Variants in CAMTA1 observed in about 807,000 individuals in gnomAD.
The protein encoded by CAMTA1 is calmodulin-binding transcription activator 1.
A neutral mutation model predicts 170.9 loss-of-function variants in CAMTA1; 27 were observed. That is an observed-to-expected ratio of 0.16 (90% confidence interval 0.12 to 0.22). CAMTA1 has a LOEUF of 0.22. Among genes scored for constraint, CAMTA1 ranks in the 10% least tolerant of loss-of-function variants. CAMTA1 has a pLI of 1.00. For missense variants in CAMTA1, 1,619 were observed against 2,217.2 expected, an observed-to-expected ratio of 0.73 and a Z score of 5.42; for synonymous variants, 833 against 891.5, an observed-to-expected ratio of 0.93 and a Z score of 1.17.
intron 21 of CAMTA1, among the ~76,000 whole-genome samples, chr1:7,752,857 A>G (rs1167659464): frequency 6.6e-6 from 1 of 152,200 alleles, no homozygotes; most frequent in South Asian, 2.1e-4. Flanking sequence ...GATATGCCAC[A>G]TTGCAGTATG....
intron 6 of CAMTA1, among the ~76,000 whole-genome samples, chr1:7,548,606 A>AG (rs2094740972): frequency 9.9e-6 from 1 of 100,706 alleles, no homozygotes; most frequent in African/African-American, 4.1e-5. Flanking sequence ...AGGGGTGGAG[A>AG]TGCCCATGGA....
chr1:7,185,659 C>T (rs964769993), intron 4 of CAMTA1, among the ~76,000 whole-genome samples: 5 of 152,130 alleles, frequency 3.3e-5, no homozygotes, highest in East Asian at 3.8e-4. Flanking sequence ...AAAGTAACAT[C>T]GTGAAATCGG....
intron 3 of CAMTA1, among the ~76,000 whole-genome samples, chr1:6,990,849 A>G (rs2100425334): frequency 6.8e-6 from 1 of 147,894 alleles, no homozygotes. Flanking sequence ...GTGTGTTTTA[A>G]TCTCAATAGC....
rs749200501 is a variant in CAMTA1, at chr1:7,286,272, C to A, written c.438+36646C>A. Among the ~76,000 whole-genome samples, 1 of 152,180 alleles carries A rather than the reference C, an allele frequency of 6.6e-6. No individual in the cohort carries two copies. Among genetic ancestry groups the A allele is most frequent in the African/African-American group, 2.4e-5 (1 of 41,450 alleles). ...TGGGCATCTGGTGGAGTTGATGGCA[C>A]AGGTGGAGGGGCGGAGGCGCCAGGG... is the stretch of plus-strand genomic sequence containing the variant. On this transcript the variant is annotated intron_variant, in intron 5 of 22. Coordinates refer to ENST00000303635, the MANE Select transcript of CAMTA1 (RefSeq NM_015215.4). The surrounding 1 kb of genome is among the most constrained non-coding windows in gnomAD (Gnocchi z 4.2).
At chr1:7,209,978 A>G (rs1252789720) in intron 4 of CAMTA1, among the ~76,000 whole-genome samples, 2 of 152,218 alleles carry the variant, frequency 1.3e-5, no homozygotes, top group Non-Finnish European at 2.9e-5. Flanking sequence ...ACCATTTGAA[A>G]GTAAGTTTCA....
At chr1:7,270,244 TACACACACACACACAC>T (rs57280188) in intron 5 of CAMTA1, among the ~76,000 whole-genome samples, 143 of 127,218 alleles carry the variant, frequency 1.1e-3, no homozygotes, top group African/African-American at 4.3e-3. Flanking sequence ...CATATATACA[TACACACACACACACAC>T]ACACACACAC....
intron 4 of CAMTA1, among the ~76,000 whole-genome samples, chr1:7,221,906 T>TACACAC (rs34399218): frequency 0.011 from 1,662 of 147,626 alleles, 34 homozygotes; most frequent in East Asian, 0.071. Flanking sequence ...AGCTGGTGCA[T>TACACAC]ACACACACAC....
intron 3 of CAMTA1, among the ~76,000 whole-genome samples, chr1:6,892,908 G>A (rs1240665353): frequency 2.0e-5 from 3 of 151,864 alleles, no homozygotes; most frequent in African/African-American, 7.2e-5. Flanking sequence ...TAAAATGTAT[G>A]AGTAGATAGG....
chr1:7,261,530 C>G (rs953911478), intron 5 of CAMTA1, among the ~76,000 whole-genome samples: 10 of 152,198 alleles, frequency 6.6e-5, no homozygotes, highest in African/African-American at 2.4e-4. Context: ...TACCCTGAAC[C>G]AATTCATGCA....
In CAMTA1 at chr1:7,067,035, G is replaced by T. The variant is rs1054641369; in HGVS notation, c.235-24269G>T. On this transcript the variant is annotated intron_variant, in intron 3 of 22. Coordinates refer to ENST00000303635, the MANE Select transcript of CAMTA1 (RefSeq NM_015215.4). The surrounding 1 kb of genome is among the most constrained non-coding windows in gnomAD (Gnocchi z 4.3). Reference sequence around the variant, plus strand: ...CCTGCTGGATGGGCACATAAACTGGGTGTCATGTTATTAAGATGTGGTGAA... The same window carrying T: ...CCTGCTGGATGGGCACATAAACTGGTTGTCATGTTATTAAGATGTGGTGAA... 1.3e-5 allele frequency among the ~76,000 whole-genome samples: 2 copies of T among 152,222 alleles called. No individual in the cohort carries two copies. The highest frequency in any genetic ancestry group is 4.8e-5 in the African/African-American group (2 of 41,458).
rs1487709367 is a variant in CAMTA1 at position 7,276,301 on chromosome 1, A to ATTT, written c.438+26676_438+26677insTTT. ...ATCATATATATATATATATATATAT[A>ATTT]TATTTTTTTTTTTTTTTTTTCTTTT... On this transcript the variant is annotated intron_variant, in intron 5 of 22. Transcript: ENST00000303635. 1.5e-4 allele frequency among the ~76,000 whole-genome samples: 3 copies of ATTT among 20,460 alleles called. No individual in the cohort carries two copies. In the African/African-American group the frequency reaches 1.6e-3, roughly 11 times the overall value. 13.4% of individuals were successfully genotyped at this position (20,460 alleles called of 152,430 possible).
intron 4 of CAMTA1, among the ~76,000 whole-genome samples, chr1:7,105,887 G>A (rs1282789373): frequency 1.3e-5 from 2 of 151,748 alleles, no homozygotes; most frequent in East Asian, 1.9e-4. Context: ...GCTGCAGTGA[G>A]CCGAGATCAC....
chr1:7,232,977 G>A (rs376402754), intron 4 of CAMTA1, among the ~76,000 whole-genome samples: 27 of 149,030 alleles, frequency 1.8e-4, no homozygotes, highest in Middle Eastern at 3.4e-3. Flanking sequence ...CTCCCACCGA[G>A]ACGGAATTTA....
intron 3 of CAMTA1, among the ~76,000 whole-genome samples, chr1:6,903,439 T>G (rs1321297188): frequency 6.6e-6 from 1 of 152,252 alleles, no homozygotes; most frequent in Non-Finnish European, 1.5e-5. Context: ...TACAGCTGTT[T>G]TATTGAATCC....
At chr1:7,170,614 T>C (rs1649406913) in intron 4 of CAMTA1, among the ~76,000 whole-genome samples, 1 of 152,178 alleles carries the variant, frequency 6.6e-6, no homozygotes, top group Non-Finnish European at 1.5e-5. Flanking sequence ...GGCTTCCAGC[T>C]TCATCCATGT....
At chr1:6,966,831 C>T (rs1691638925) in intron 3 of CAMTA1, among the ~76,000 whole-genome samples, 1 of 151,722 alleles carries the variant, frequency 6.6e-6, no homozygotes, top group African/African-American at 2.4e-5. Flanking sequence ...AGGCTGGTCT[C>T]GAACTCCTAA....
At chr1:7,441,551 C>T (rs549168319) in intron 5 of CAMTA1, 2 of 152,232 alleles carry the variant, frequency 1.3e-5, no homozygotes, top group East Asian at 1.9e-4. Flanking sequence ...GGCTGCGGGT[C>T]GCGAGCCACG....
chr1:7,053,354 G>A (rs1405523739), intron 3 of CAMTA1, among the ~76,000 whole-genome samples: 1 of 152,188 alleles, frequency 6.6e-6, no homozygotes, highest in Non-Finnish European at 1.5e-5. Flanking sequence ...ACCATCATTA[G>A]TTCCGCTGTC....
At chr1:7,500,984 A>C (rs992222242) in intron 6 of CAMTA1, among the ~76,000 whole-genome samples, 1 of 152,078 alleles carries the variant, frequency 6.6e-6, no homozygotes, top group African/African-American at 2.4e-5. Flanking sequence ...TCCCCAGGGG[A>C]CTGAGGTAGG....
Sources: gnomAD v4.1 joint callset for allele counts (sites outside exome capture counted in the v4.1 genomes callset) on GRCh38, gnomAD v4.1.1 for gene constraint, Gnocchi (gnomAD v3.1) non-coding constraint, MANE v1.5 for transcripts, NCBI Gene and HGNC (gene_info 2026-07-23, HGNC 2026-07-21) for gene names.